The following SGCZ variants were observed in gnomAD, a reference collection of about 807,000 sequenced individuals.
The protein encoded by SGCZ is zeta-sarcoglycan.
A neutral mutation model predicts 41.3 loss-of-function variants in SGCZ; 40 were observed. That is an observed-to-expected ratio of 0.97 (90% CI 0.75 to 1.26). The LOEUF (loss-of-function observed/expected upper bound fraction) is 1.26, where lower values mean the gene tolerates loss of function less well. SGCZ is among the 50% of genes most tolerant of loss of function. SGCZ has a pLI of 0.00. For synonymous variants in SGCZ, 206 were observed against 137.5 expected, an observed-to-expected ratio of 1.50 and a Z score of -3.49; for missense variants, 552 against 369.8, an observed-to-expected ratio of 1.49 and a Z score of -4.04.
chr8:14,138,529 G>T (rs1367183056), intron 5 of SGCZ, among the ~76,000 whole-genome samples: 1 of 151,892 alleles, frequency 6.6e-6, no homozygotes, highest in African/African-American at 2.4e-5. Context: ...AAAAAAAGGG[G>T]GGGTTGCATT....
chr8:14,984,202 T>C (rs1801758282), intron 1 of SGCZ, among the ~76,000 whole-genome samples: 1 of 152,180 alleles, frequency 6.6e-6, no homozygotes, highest in Non-Finnish European at 1.5e-5. Flanking sequence ...TACTCTCCAA[T>C]CCTCTCAAAT....
rs117632335 is a variant in SGCZ at position 14,907,806 on chromosome 8, C to T, written c.39+329779G>A. Among the ~76,000 whole-genome samples the T allele has an allele frequency of 4.3e-4, 65 of 152,258 alleles. No homozygotes were observed. In the East Asian group the frequency reaches 0.01, roughly 24 times the overall value. ...ATTCACTAACTTTTCTGCAAAGAAG[C>T]GCTAATTCCACCTATTTCAACCCTA... On this transcript the variant is annotated intron_variant, in intron 1 of 7. Transcript: ENST00000382080.
chr8:15,015,661 G>C (rs4831670), intron 1 of SGCZ, among the ~76,000 whole-genome samples: 14 of 137,074 alleles, frequency 1.0e-4, no homozygotes, highest in Middle Eastern at 4.1e-3. Flanking sequence ...GCACTCCAGC[G>C]TAGGCAACAG....
rs977984105 is a variant in SGCZ, at chr8:14,927,328, G to A, written c.39+310257C>T. On this transcript the variant is annotated intron_variant, in intron 1 of 7. Transcript: ENST00000382080. Reference sequence around the variant, plus strand: ...GTTTCACAGTGTTAGCCAGGATGGTGTCGATTTCCTGTCCTTGTGATCCGC... The same window carrying A: ...GTTTCACAGTGTTAGCCAGGATGGTATCGATTTCCTGTCCTTGTGATCCGC... 6.0e-5 allele frequency among the ~76,000 whole-genome samples: 9 copies of A among 151,100 alleles called. No homozygotes were observed. In the South Asian group the frequency reaches 1.9e-3, roughly 32 times the overall value.
intron 3 of SGCZ, among the ~76,000 whole-genome samples, chr8:14,269,710 G>A (rs539766882): frequency 5.0e-4 from 76 of 152,232 alleles, no homozygotes; most frequent in African/African-American, 1.7e-3. Context: ...ACATGATGCT[G>A]TCAACTTCAC....
At chr8:14,375,911 T>A (rs4305903) in intron 2 of SGCZ, among the ~76,000 whole-genome samples, 13,363 of 152,254 alleles carry the variant, frequency 0.088, 747 homozygotes, top group Non-Finnish European at 0.13. Flanking sequence ...GCTTAAATTA[T>A]CATATCAAAA....
At chr8:15,152,729 T>C (rs1030413719) in intron 1 of SGCZ, among the ~76,000 whole-genome samples, 1 of 152,238 alleles carries the variant, frequency 6.6e-6, no homozygotes, top group African/African-American at 2.4e-5. Context: ...CCAGAGTACG[T>C]ATCTTATTCA....
At chr8:15,091,039 G>A (rs1172845536) in intron 1 of SGCZ, among the ~76,000 whole-genome samples, 9 of 152,240 alleles carry the variant, frequency 5.9e-5, no homozygotes, top group Middle Eastern at 3.4e-3. Context: ...AATGAAAATG[G>A]AGTAATCTAA....
At chr8:14,326,890 T>C (rs926615391) in intron 2 of SGCZ, among the ~76,000 whole-genome samples, 6 of 152,264 alleles carry the variant, frequency 3.9e-5, no homozygotes, top group Admixed American at 6.5e-5. Context: ...CTGTAGTTAT[T>C]TAAGAACAGA....
intron 1 of SGCZ, among the ~76,000 whole-genome samples, chr8:14,597,321 T>G (rs1052292465): frequency 6.6e-6 from 1 of 152,128 alleles, no homozygotes; most frequent in Non-Finnish European, 1.5e-5. Flanking sequence ...TCAAGGACTT[T>G]TAAGTTAGAA....
intron 5 of SGCZ, among the ~76,000 whole-genome samples, chr8:14,140,384 C>T (rs1381309623): frequency 6.6e-6 from 1 of 152,170 alleles, no homozygotes; most frequent in Non-Finnish European, 1.5e-5. Context: ...CAAACTGTCC[C>T]TGTTTGCAGA....
At chr8:15,121,555 T>C (rs1005702971) in intron 1 of SGCZ, among the ~76,000 whole-genome samples, 2 of 152,112 alleles carry the variant, frequency 1.3e-5, no homozygotes, top group Non-Finnish European at 2.9e-5. Context: ...AAGTAAGACA[T>C]AAGTGCATGA....
chr8:15,079,669 G>C (rs551910384), intron 1 of SGCZ, among the ~76,000 whole-genome samples: 93 of 152,140 alleles, frequency 6.1e-4, no homozygotes, highest in African/African-American at 2.1e-3. Context: ...TTGTTCAAAG[G>C]TTTTCCGATC....
chr8:14,244,829 C>A (rs991136949), intron 3 of SGCZ, among the ~76,000 whole-genome samples: 2 of 152,002 alleles, frequency 1.3e-5, no homozygotes, highest in Non-Finnish European at 2.9e-5. Context: ...AGTTGGATTC[C>A]TAGGTATTTT....
At chr8:14,880,978 G>C (rs552516343) in intron 1 of SGCZ, among the ~76,000 whole-genome samples, 7 of 151,748 alleles carry the variant, frequency 4.6e-5, no homozygotes, top group African/African-American at 1.7e-4. Context: ...ATATATCACA[G>C]ACAACTTAGT....
At chr8:14,279,204 A>G (rs937305732) in intron 3 of SGCZ, among the ~76,000 whole-genome samples, 2 of 152,066 alleles carry the variant, frequency 1.3e-5, no homozygotes, top group African/African-American at 4.8e-5. Context: ...GGAAAGGGGA[A>G]AAGTAGAGTT....
At chr8:14,545,409 G>T in intron 2 of SGCZ, among the ~76,000 whole-genome samples, 1 of 108,208 alleles carries the variant, frequency 9.2e-6, no homozygotes, top group Non-Finnish European at 1.7e-5. Context: ...AAAAGCAAAT[G>T]CTTACTTTTT....
At chr8:14,671,199 T>C (rs1444448511) in intron 1 of SGCZ, among the ~76,000 whole-genome samples, 1 of 152,206 alleles carries the variant, frequency 6.6e-6, no homozygotes, top group East Asian at 1.9e-4. Flanking sequence ...ATATTTAAAA[T>C]TGTGCAGATG....
intron 1 of SGCZ, among the ~76,000 whole-genome samples, chr8:15,011,369 C>A (rs568134523): frequency 1.3e-5 from 2 of 152,166 alleles, no homozygotes; most frequent in South Asian, 4.1e-4. Context: ...AGCATCCTCA[C>A]GGTTTTGTTT....
Sources: allele counts gnomAD v4.1 joint callset (sites outside exome capture counted in the v4.1 genomes callset), GRCh38; gene constraint gnomAD v4.1.1; transcripts MANE v1.5; gene names NCBI Gene and HGNC (gene_info 2026-07-23, HGNC 2026-07-21).